UNC5C: variants seen among roughly 807,000 people sequenced by gnomAD.
UNC5C encodes the protein netrin receptor UNC5C.
UNC5C carries 47 observed loss-of-function variants against 99.8 expected under a neutral mutation model. That is an observed-to-expected ratio of 0.47 (90% CI 0.37 to 0.60). UNC5C has a LOEUF of 0.60. UNC5C is among the 20% of genes least tolerant of loss of function. The probability of loss-of-function intolerance (pLI) is 0.00; values close to 1 mark genes in which losing one functional copy is unlikely to be tolerated. For synonymous variants in UNC5C, 487 were observed against 452.2 expected, an observed-to-expected ratio of 1.08 and a Z score of -0.98; for missense variants, 1,062 against 1,165.9, an observed-to-expected ratio of 0.91 and a Z score of 1.30.
At chr4:95,476,282 T>C (rs537411800) in intron 1 of UNC5C, among the ~76,000 whole-genome samples, 14 of 152,162 alleles carry the variant, frequency 9.2e-5, no homozygotes, top group African/African-American at 3.1e-4. Context: ...ATGGATTAGC[T>C]TCTCGGTAAA....
chr4:95,459,364 G>T (rs1747533275), intron 1 of UNC5C, among the ~76,000 whole-genome samples: 1 of 152,016 alleles, frequency 6.6e-6, no homozygotes, highest in Non-Finnish European at 1.5e-5. Context: ...AATATACAAA[G>T]TCATTCAGTA....
At chr4:95,319,191 G>A (rs1419012499) in intron 2 of UNC5C, among the ~76,000 whole-genome samples, 1 of 152,160 alleles carries the variant, frequency 6.6e-6, no homozygotes, top group East Asian at 1.9e-4. Flanking sequence ...TTACTAGAGA[G>A]CTTAAAACAA....
At chr4:95,248,691 T>A in intron 5 of UNC5C, 1 of 402,062 alleles carries the variant, frequency 2.5e-6, no homozygotes, top group Non-Finnish European at 4.9e-6. Context: ...TTCAGTCCTA[T>A]CATGTACCCC....
chr4:95,215,494 A>T (rs953749853), intron 10 of UNC5C, among the ~76,000 whole-genome samples: 4 of 152,200 alleles, frequency 2.6e-5, no homozygotes, highest in African/African-American at 9.6e-5. Flanking sequence ...GCCTCTTGTT[A>T]TTTTTACTTA....
chr4:95,252,076 T>C (rs75617747), intron 4 of UNC5C, among the ~76,000 whole-genome samples: 4,257 of 152,282 alleles, frequency 0.028, 190 homozygotes, highest in African/African-American at 0.096. Flanking sequence ...ATACAGACTC[T>C]ACATTCAGTC....
At chr4:95,177,183 A>G (rs1056015248) in intron 14 of UNC5C, among the ~76,000 whole-genome samples, 3 of 152,188 alleles carry the variant, frequency 2.0e-5, no homozygotes, top group African/African-American at 7.2e-5. Flanking sequence ...TCAGATGGAA[A>G]TGCAGAAATC....
chr4:95,477,646 G>C lies in UNC5C; in HGVS notation c.124+71088C>G, dbSNP rs115962033. On this transcript the variant is annotated intron_variant, in intron 1 of 15. Coordinates refer to ENST00000453304, the MANE Select transcript of UNC5C (RefSeq NM_003728.4). ...CATTCACCCAGCAGCCTTATAAAAG[G>C]GTTGCCTAGTAGACAACATATTAGC... Among the ~76,000 whole-genome samples, 309 of 152,026 alleles carry C rather than the reference G, an allele frequency of 2.0e-3. 1 individual carries two copies. The highest frequency in any genetic ancestry group is 6.9e-3 in the African/African-American group (286 of 41,514).
chr4:95,300,757 C>T (rs1265927793), intron 3 of UNC5C, among the ~76,000 whole-genome samples: 1 of 152,048 alleles, frequency 6.6e-6, no homozygotes, highest in Non-Finnish European at 1.5e-5. Flanking sequence ...ATTGAACTCA[C>T]AGACATAGAG....
chr4:95,519,062 A>G (rs1722284165), intron 1 of UNC5C, among the ~76,000 whole-genome samples: 1 of 152,200 alleles, frequency 6.6e-6, no homozygotes, highest in Non-Finnish European at 1.5e-5. Context: ...TCCATGGACC[A>G]TACTTTGGGA....
rs1385813698 is a variant in UNC5C at position 95,169,175 on chromosome 4, T to C, written c.*59A>G. Reference sequence around the variant, plus strand: ...ATTTCCTCCTCAGCTGTGATTCACCTGGACGGCCACAGACTCCCTGTGCAT... The same window carrying C: ...ATTTCCTCCTCAGCTGTGATTCACCCGGACGGCCACAGACTCCCTGTGCAT... On this transcript the variant is annotated 3_prime_UTR_variant, in exon 16 of 16. Coordinates refer to ENST00000453304, the MANE Select transcript of UNC5C (RefSeq NM_003728.4). 6.3e-7 allele frequency: 1 copy of C among 1,597,130 alleles called. No homozygotes were observed. The highest frequency in any genetic ancestry group is 8.6e-7 in the Non-Finnish European group (1 of 1,168,696).
chr4:95,234,985 C>T (rs1482089960), intron 7 of UNC5C, among the ~76,000 whole-genome samples: 1 of 152,104 alleles, frequency 6.6e-6, no homozygotes, highest in Admixed American at 6.6e-5. Context: ...GTCTATATAT[C>T]TGTATGTGAT....
chr4:95,231,151 G>A (rs1738896863), intron 7 of UNC5C, among the ~76,000 whole-genome samples: 1 of 151,966 alleles, frequency 6.6e-6, no homozygotes, highest in Non-Finnish European at 1.5e-5. Context: ...AGGTGTCTGG[G>A]CATTAAAACC....
chr4:95,505,858 G>A (rs1721904457), intron 1 of UNC5C, among the ~76,000 whole-genome samples: 1 of 151,986 alleles, frequency 6.6e-6, no homozygotes, highest in Non-Finnish European at 1.5e-5. Context: ...TAGGAGTAAG[G>A]TCACAACTCT....
chr4:95,445,949 TAAC>T (rs1435816760), intron 1 of UNC5C, among the ~76,000 whole-genome samples: 2 of 131,736 alleles, frequency 1.5e-5, no homozygotes, highest in African/African-American at 2.9e-5. Flanking sequence ...TTCTGGAAGA[TAAC>T]AAAGAGCCTG....
intron 1 of UNC5C, among the ~76,000 whole-genome samples, chr4:95,467,815 T>C (rs1747834602): frequency 6.6e-6 from 1 of 152,230 alleles, no homozygotes; most frequent in African/African-American, 2.4e-5. Flanking sequence ...AACAGTCAAT[T>C]AACACATATA....
intron 1 of UNC5C, among the ~76,000 whole-genome samples, chr4:95,529,602 T>C (rs1360442162): frequency 6.6e-6 from 1 of 151,760 alleles, no homozygotes; most frequent in Non-Finnish European, 1.5e-5. Context: ...GGTGCATCCC[T>C]GTAGGTCCCA....
At chr4:95,222,953 G>C (rs979855931) in intron 7 of UNC5C, among the ~76,000 whole-genome samples, 1 of 152,090 alleles carries the variant, frequency 6.6e-6, no homozygotes, top group Non-Finnish European at 1.5e-5. Context: ...GAGGTTATAA[G>C]GGTATTTATT....
At chr4:95,539,879 C>A (rs976011389) in intron 1 of UNC5C, among the ~76,000 whole-genome samples, 8 of 151,420 alleles carry the variant, frequency 5.3e-5, no homozygotes, top group Non-Finnish European at 5.9e-5. Flanking sequence ...CCCTTGCTAC[C>A]GGGAAAACAT....
intron 10 of UNC5C, among the ~76,000 whole-genome samples, chr4:95,208,130 A>G (rs928665093): frequency 6.6e-6 from 1 of 152,182 alleles, no homozygotes; most frequent in African/African-American, 2.4e-5. Flanking sequence ...CTTGAACTCA[A>G]CACTCAAATA....
Sources: gnomAD v4.1 joint callset for allele counts (sites outside exome capture counted in the v4.1 genomes callset) on GRCh38, gnomAD v4.1.1 for gene constraint, MANE v1.5 for transcripts, NCBI Gene and HGNC (gene_info 2026-07-23, HGNC 2026-07-21) for gene names.